Variants in TRPM8 observed in about 807,000 individuals in gnomAD.
TRPM8 encodes transient receptor potential cation channel subfamily M member 8.
A neutral mutation model predicts 133.7 loss-of-function variants in TRPM8; 110 were observed. That is an observed-to-expected ratio of 0.82 (90% CI 0.70 to 0.96). The LOEUF is 0.96. TRPM8 is among the 40% of genes least tolerant of loss of function. TRPM8 has a pLI of 0.00. For synonymous variants in TRPM8, 535 were observed against 532.3 expected (o/e 1.01, Z -0.07); for missense variants, 1,291 against 1,379.5 (o/e 0.94, Z 1.02).
chr2:233,995,610 C>A (rs190423777), intron 21 of TRPM8, among the ~76,000 whole-genome samples: 5 of 152,270 alleles, frequency 3.3e-5, no homozygotes, highest in African/African-American at 1.2e-4. Flanking sequence ...ATATGATAAG[C>A]ATTTCCCCAT....
rs764449173 is a variant in TRPM8 at position 233,945,807 on chromosome 2, T to A, written c.700-49T>A. 7.9e-6 allele frequency: 12 copies of A among 1,517,050 alleles called. No individual in the cohort carries two copies. The South Asian group carries it at 1.3e-4, about 16-fold the overall frequency. 94.0% of individuals were successfully genotyped at this position (1,517,050 alleles called of 1,614,324 possible). On this transcript the variant is annotated intron_variant, in intron 6 of 25. Coordinates refer to ENST00000324695, the MANE Select transcript of TRPM8 (RefSeq NM_024080.5). ...GAATATAGAAAAATATCATCATGTA[T>A]CTTGACTGATAATACAATCTCAAAG...
intron 1 of TRPM8, among the ~76,000 whole-genome samples, chr2:233,925,253 T>G (rs903192077): frequency 1.3e-3 from 205 of 152,342 alleles, no homozygotes; most frequent in Admixed American, 0.013. Flanking sequence ...ATCTCCTTTA[T>G]GCACTGTGCC....
At chr2:233,946,409 C>G (rs1691044314) in intron 7 of TRPM8, 1 of 168,864 alleles carries the variant, frequency 5.9e-6, no homozygotes, top group Admixed American at 5.8e-5. Context: ...AACCAACCTG[C>G]TAGTTTAACA....
chr2:233,946,372 G>A (rs1046413792), intron 7 of TRPM8: 4 of 192,844 alleles, frequency 2.1e-5, no homozygotes, highest in African/African-American at 2.3e-5. Context: ...ATGAAACAAC[G>A]CAATTAGCTA....
At position 233,987,209 on chromosome 2, in the gene TRPM8, C is replaced by T. The variant is rs150402207; in HGVS notation, c.2939+1344C>T. On this transcript the variant is annotated intron_variant, in intron 21 of 25. Transcript: ENST00000324695. Reference sequence around the variant, plus strand: ...GTATCCACACTGTGGAATATTATGCCGCTCTTAAAAGACAAAGTTTGATCT... The same window carrying T: ...GTATCCACACTGTGGAATATTATGCTGCTCTTAAAAGACAAAGTTTGATCT... Among the ~76,000 whole-genome samples the T allele has an allele frequency of 1.4e-4, 22 of 152,090 alleles. No homozygotes were observed. In the East Asian group the frequency reaches 1.7e-3, roughly 12 times the overall value.
chr2:233,946,702 T>C (rs1691050828), intron 7 of TRPM8, among the ~76,000 whole-genome samples: 1 of 152,224 alleles, frequency 6.6e-6, no homozygotes, highest in South Asian at 2.1e-4. Flanking sequence ...ATATATGCAA[T>C]AAACTGTTGA....
At chr2:233,951,181 G>A (rs919651030) in intron 9 of TRPM8, among the ~76,000 whole-genome samples, 5 of 152,136 alleles carry the variant, frequency 3.3e-5, no homozygotes, top group Non-Finnish European at 5.9e-5. Context: ...AGTGAGCTGC[G>A]ATGGAGCCAT....
rs1291923082 is a variant in TRPM8 at position 233,946,962 on chromosome 2, T to C, written c.875-126T>C. On this transcript the variant is annotated intron_variant, in intron 7 of 25. Coordinates refer to ENST00000324695, the MANE Select transcript of TRPM8 (RefSeq NM_024080.5). ...AATGAGTGGATAATGTTCAAGTCCG[T>C]GAGATGTGAAGCTATCTCTCCACAC... 3 of 759,222 alleles carry C rather than the reference T, an allele frequency of 4.0e-6. No individual in the cohort carries two copies. The Admixed American group carries it at 7.2e-5, about 18-fold the overall frequency. The allele number at this position is 759,222 out of a possible 1,614,324, so 47.0% of individuals were successfully genotyped here. A position where few individuals can be genotyped will look rare whatever the true frequency, so the allele number is the denominator to read the frequency against.
intron 6 of TRPM8, among the ~76,000 whole-genome samples, chr2:233,944,998 C>T (rs1287528842): frequency 6.6e-6 from 1 of 152,104 alleles, no homozygotes; most frequent in African/African-American, 2.4e-5. Context: ...GTTCATGGTG[C>T]ACAATCTTTT....
chr2:234,000,295 G>C (rs912968415), intron 22 of TRPM8, among the ~76,000 whole-genome samples: 1 of 151,932 alleles, frequency 6.6e-6, no homozygotes, highest in Admixed American at 6.6e-5. Context: ...ATTTTTAGTA[G>C]AGATGGGGTT....
intron 12 of TRPM8, 83 bp from the exon 13 acceptor site, chr2:233,963,198 CA>C (rs541741951): frequency 8.7e-4 from 714 of 818,346 alleles, no homozygotes; most frequent in Admixed American, 1.7e-3. Context: ...CAGAGCCCTC[CA>C]AACATGGGCT....
At chr2:233,922,144 C>T (rs529898732) in intron 1 of TRPM8, among the ~76,000 whole-genome samples, 8 of 152,056 alleles carry the variant, frequency 5.3e-5, no homozygotes, top group Non-Finnish European at 7.4e-5. Context: ...ATAGGGAGTC[C>T]GGTTAAGGTA....
intron 21 of TRPM8, among the ~76,000 whole-genome samples, chr2:233,991,777 T>C (rs1692284690): frequency 6.6e-6 from 1 of 152,216 alleles, no homozygotes; most frequent in Non-Finnish European, 1.5e-5. Context: ...CTAACATCTG[T>C]TGTACAAGTT....
intron 9 of TRPM8, 92 bp downstream of exon 9, chr2:233,950,238 T>C: frequency 7.9e-7 from 1 of 1,272,722 alleles, no homozygotes; most frequent in Non-Finnish European, 1.1e-6. Context: ...CACCAGCAGC[T>C]GCACGTGTTT....
At chr2:233,953,037 A>G (rs1192692046) in intron 9 of TRPM8, among the ~76,000 whole-genome samples, 2 of 151,738 alleles carry the variant, frequency 1.3e-5, no homozygotes, top group South Asian at 2.1e-4. Flanking sequence ...CTCCTTCAAA[A>G]TCTCCATGTT....
At chr2:233,944,734 A>G (rs1286692345) in intron 6 of TRPM8, among the ~76,000 whole-genome samples, 1 of 152,220 alleles carries the variant, frequency 6.6e-6, no homozygotes, top group African/African-American at 2.4e-5. Flanking sequence ...TGAAATGCAT[A>G]GCCATATACC....
At chr2:233,964,857 A>G in intron 14 of TRPM8, 100 bp downstream of exon 14, 2 of 1,303,548 alleles carry the variant, frequency 1.5e-6, no homozygotes, top group Non-Finnish European at 1.0e-6. Flanking sequence ...GGTCCGTGGC[A>G]TGTCCAAGCT....
At chr2:234,012,254 T>C (rs1692858237) in intron 24 of TRPM8, among the ~76,000 whole-genome samples, 1 of 151,970 alleles carries the variant, frequency 6.6e-6, no homozygotes, top group African/African-American at 2.4e-5. Context: ...TTCAAGCGAT[T>C]CTCCTGCTTC....
chr2:233,929,766 A>G (rs1691645115), intron 2 of TRPM8: 1 of 152,228 alleles, frequency 6.6e-6, no homozygotes, highest in African/African-American at 2.4e-5. Flanking sequence ...TTTACTGGCA[A>G]TAGTGGACAA....
Sources: gnomAD v4.1 joint callset for allele counts (sites outside exome capture counted in the v4.1 genomes callset) on GRCh38, gnomAD v4.1.1 for gene constraint, MANE v1.5 for transcripts, NCBI Gene and HGNC (gene_info 2026-07-23, HGNC 2026-07-21) for gene names.